RABGEF1: variants seen among roughly 807,000 people sequenced by gnomAD.
The protein encoded by RABGEF1 is RAB guanine nucleotide exchange factor 1, also known as rab5 GDP/GTP exchange factor.
Under a neutral mutation model 57.3 loss-of-function variants are expected in RABGEF1, and 26 were observed. The observed-to-expected ratio is 0.45, with a 90% CI of 0.33 to 0.63. The LOEUF (loss-of-function observed/expected upper bound fraction) is 0.63, where lower values mean the gene tolerates loss of function less well. RABGEF1 is among the 20% of genes least tolerant of loss of function. The probability of loss-of-function intolerance (pLI) is 0.02; values close to 1 mark genes in which losing one functional copy is unlikely to be tolerated. For missense variants in RABGEF1, 464 were observed against 607.6 expected (o/e 0.76, Z 2.48); for synonymous variants, 185 against 210.7 (o/e 0.88, Z 1.06).
At chr7:66,706,612 T>C (rs1160667701) in intron 1 of RABGEF1, among the ~76,000 whole-genome samples, 1 of 151,352 alleles carries the variant, frequency 6.6e-6, no homozygotes, top group Admixed American at 6.6e-5. Context: ...GATTTCACCA[T>C]GTTAGCCAGG....
At chr7:66,776,576 C>G (rs1436200726) in intron 3 of RABGEF1, among the ~76,000 whole-genome samples, 1 of 152,106 alleles carries the variant, frequency 6.6e-6, no homozygotes, top group Non-Finnish European at 1.5e-5. Flanking sequence ...GCCTGTAGTT[C>G]CAGCTGAGGC....
intron 1 of RABGEF1, among the ~76,000 whole-genome samples, chr7:66,703,126 ACCATG>A (rs1793536729): frequency 6.6e-6 from 1 of 152,068 alleles, no homozygotes; most frequent in Non-Finnish European, 1.5e-5. Flanking sequence ...GGCGCCCGCT[ACCATG>A]CCTGGCTAAT....
intron 1 of RABGEF1, chr7:66,682,284 AGAGCTGCGCGGCGGGG>A (rs1789862964): frequency 6.2e-6 from 1 of 160,562 alleles, no homozygotes; most frequent in Non-Finnish European, 1.5e-5. Flanking sequence ...ACTGGGGCTA[AGAGCTGCGCGGCGGGG>A]CATCTTGGGC....
At chr7:66,801,942 C>G (rs1455872662) in intron 7 of RABGEF1, among the ~76,000 whole-genome samples, 1 of 152,210 alleles carries the variant, frequency 6.6e-6, no homozygotes, top group Non-Finnish European at 1.5e-5. Context: ...CAGGATCTCT[C>G]TGTCACCCAG....
At chr7:66,783,601 G>C (rs188997273) in intron 3 of RABGEF1, 74 bp from the exon 4 acceptor site, 1 of 1,286,742 alleles carries the variant, frequency 7.8e-7, no homozygotes, top group African/African-American at 1.5e-5. Context: ...ATAACCTTAG[G>C]TAAGATACTT....
At chr7:66,743,296 C>T (rs1027663296) in intron 1 of RABGEF1, among the ~76,000 whole-genome samples, 2 of 148,158 alleles carry the variant, frequency 1.3e-5, no homozygotes, top group African/African-American at 2.5e-5. Flanking sequence ...GGCGACAGAG[C>T]GAGACCTCGT....
intron 2 of RABGEF1, among the ~76,000 whole-genome samples, chr7:66,772,315 T>C (rs1440139372): frequency 1.3e-5 from 2 of 152,188 alleles, no homozygotes; most frequent in African/African-American, 4.8e-5. Flanking sequence ...TAGTTTTAGT[T>C]CTCAAATGTA....
At chr7:66,781,725 C>T (rs1303105014) in intron 3 of RABGEF1, among the ~76,000 whole-genome samples, 6 of 152,146 alleles carry the variant, frequency 3.9e-5, no homozygotes, top group Admixed American at 3.3e-4. Context: ...CTATGTAGCC[C>T]TCTCCCCTCC....
chr7:66,705,030 T>A (rs567789250), intron 1 of RABGEF1, among the ~76,000 whole-genome samples: 1 of 152,136 alleles, frequency 6.6e-6, no homozygotes, highest in Non-Finnish European at 1.5e-5. Context: ...CCTAAGTATT[T>A]CATTTTTGGG....
At position 66,797,563 on chromosome 7, in the gene RABGEF1, T is replaced by TG. The variant is rs1562874450; in HGVS notation, c.728+63dup. 1.9e-6 allele frequency: 3 copies of TG among 1,557,518 alleles called. No homozygotes were observed. The African/African-American group carries it at 4.1e-5, about 21-fold the overall frequency. On this transcript the variant is annotated intron_variant, in intron 6 of 8. Coordinates refer to ENST00000284957, the MANE Select transcript of RABGEF1 (RefSeq NM_014504.3). ...ACTACCTTCTAATGGAAGAACACAC[T>TG]GGGGGGAAAATAATGCACCTGTGTT...
At chr7:66,718,263 T>C (rs1795625511) in intron 2 of RABGEF1, among the ~76,000 whole-genome samples, 1 of 151,304 alleles carries the variant, frequency 6.6e-6, no homozygotes, top group Admixed American at 6.6e-5. Flanking sequence ...GAGGATTGCT[T>C]GAACCTGGGA....
the RABGEF1 span, among the ~76,000 whole-genome samples, chr7:66,676,611 A>G: frequency 8.5e-5 from 13 of 152,142 alleles, no homozygotes; most frequent in Non-Finnish European, 2.9e-5. Flanking sequence ...ATTCTGAGAC[A>G]GGGTCTCATT....
rs1481912516 is a variant in RABGEF1 at position 66,810,232 on chromosome 7, T to C, written c.*948T>C. On this transcript the variant is annotated 3_prime_UTR_variant, in exon 9 of 9. Transcript: ENST00000284957. ...ATATACATTTGACTTTGCAAACGTC[T>C]AGACATGTTTTCTGAACCTTTTTCA... 1 of 152,222 alleles carries C rather than the reference T, an allele frequency of 6.6e-6. No individual in the cohort carries two copies. The highest frequency in any genetic ancestry group is 1.5e-5 in the Non-Finnish European group (1 of 68,054). 9.4% of individuals were successfully genotyped at this position (152,222 alleles called of 1,614,324 possible). A position where few individuals can be genotyped will look rare whatever the true frequency, so the allele number is the denominator to read the frequency against.
At chr7:66,693,909 G>A (rs531603712) in intron 1 of RABGEF1, among the ~76,000 whole-genome samples, 5 of 152,024 alleles carry the variant, frequency 3.3e-5, no homozygotes, top group East Asian at 1.9e-4. Flanking sequence ...TGGGGCTCAA[G>A]CGATTCTCCT....
chr7:66,696,829 G>A (rs1469139890), intron 1 of RABGEF1, among the ~76,000 whole-genome samples: 1 of 152,172 alleles, frequency 6.6e-6, no homozygotes, highest in Admixed American at 6.6e-5. Context: ...CCCCCATCTG[G>A]TGGATGGTTT....
At chr7:66,770,284 G>T (rs1398621453) in intron 1 of RABGEF1, 1 of 152,150 alleles carries the variant, frequency 6.6e-6, no homozygotes, top group Non-Finnish European at 1.5e-5. Flanking sequence ...TTGAATGAAT[G>T]GTGTGGAGTG....
intron 1 of RABGEF1, among the ~76,000 whole-genome samples, chr7:66,762,264 G>C (rs1231899131): frequency 1.3e-5 from 2 of 152,104 alleles, no homozygotes; most frequent in Non-Finnish European, 2.9e-5. Context: ...CAGACCAATG[G>C]GTAAATAAGT....
chr7:66,656,820 CAAAAAAAAAAAAA>C, the RABGEF1 span, among the ~76,000 whole-genome samples: 1 of 73,860 alleles, frequency 1.4e-5, no homozygotes, highest in African/African-American at 5.3e-5. Context: ...AACTGCATCT[CAAAAAAAAAAAAA>C]AAAAAAAAGT....
intron 1 of RABGEF1, among the ~76,000 whole-genome samples, chr7:66,764,571 G>A (rs1805234440): frequency 6.6e-6 from 1 of 152,126 alleles, no homozygotes; most frequent in South Asian, 2.1e-4. Context: ...TTTCTTCTGA[G>A]AGCTTTAGTT....
Sources: allele counts gnomAD v4.1 joint callset (sites outside exome capture counted in the v4.1 genomes callset), GRCh38; gene constraint gnomAD v4.1.1; transcripts MANE v1.5; gene names NCBI Gene and HGNC (gene_info 2026-07-23, HGNC 2026-07-21).